ALDH3A2: variants seen among roughly 807,000 people sequenced by gnomAD.
ALDH3A2 encodes the protein aldehyde dehydrogenase family 3 member A2.
ALDH3A2 carries 36 observed loss-of-function variants against 51.3 expected under a neutral mutation model. That is an observed-to-expected ratio of 0.70 (90% confidence interval 0.54 to 0.93). The LOEUF is 0.93. Among genes scored for constraint, ALDH3A2 ranks in the 40% least tolerant of loss-of-function variants. The pLI is 0.00. For missense variants in ALDH3A2, 552 were observed against 603.1 expected (o/e 0.92, Z 0.89); for synonymous variants, 199 against 219.8 (o/e 0.91, Z 0.84).
At chr17:19,658,984 C>T (rs1286277846) in intron 5 of ALDH3A2, among the ~76,000 whole-genome samples, 2 of 152,178 alleles carry the variant, frequency 1.3e-5, no homozygotes, top group African/African-American at 4.8e-5. Context: ...GTAATCCCAG[C>T]ACTTTGGGAG....
Position 19,656,501 on chromosome 17 carries a change from C to T in ALDH3A2, c.607C>T (p.Pro203Ser). ...GGAAGCTGCTGCCAAGCATCTGACC[C>T]CTGTGACTCTTGAACTGGGAGGGAA... ...VMEAAAKHLT[P>S]VTLELGGKSP... Residue 203 changes from proline (P) to serine (S), a missense_variant, in exon 4 of 10, where the codon CCT (proline) becomes TCT (serine). Pro to Ser is a moderately conservative substitution (Grantham distance 74). Coordinates refer to ENST00000176643, the MANE Select transcript of ALDH3A2 (RefSeq NM_000382.3). The T allele has an allele frequency of 1.2e-6, 2 of 1,614,126 alleles. No individual in the cohort carries two copies. Among genetic ancestry groups the T allele is most frequent in the Non-Finnish European group, 8.5e-7 (1 of 1,180,028 alleles).
chr17:19,674,764 T>C (rs2085165191), intron 9 of ALDH3A2: 1 of 152,238 alleles, frequency 6.6e-6, no homozygotes, highest in African/African-American at 2.4e-5. Flanking sequence ...TAATCCTCTT[T>C]TTATCAAATT....
In ALDH3A2 at chr17:19,648,881, G is replaced by C. The variant is rs2084772407; in HGVS notation, c.-91G>C. On this transcript the variant is annotated 5_prime_UTR_variant, in exon 1 of 10. Transcript: ENST00000176643. ...TGGAGACACCCCCCGGAGGGAGGCG[G>C]AGGGAAGGGAGGCGAGGCCTGCACC... The C allele has an allele frequency of 6.7e-7, 1 of 1,491,500 alleles. No homozygotes were observed. The highest frequency in any genetic ancestry group is 1.4e-5 in the African/African-American group (1 of 72,170). The allele number at this position is 1,491,500 out of a possible 1,614,324, so 92.4% of individuals were successfully genotyped here. A position where few individuals can be genotyped will look rare whatever the true frequency, so the allele number is the denominator to read the frequency against.
At position 19,661,161 on chromosome 17, in the gene ALDH3A2, A is replaced by G; in HGVS notation, c.833A>G (p.Asp278Gly). 1 of 1,612,670 alleles carries G rather than the reference A, an allele frequency of 6.2e-7. No individual in the cohort carries two copies. The highest frequency in any genetic ancestry group is 8.5e-7 in the Non-Finnish European group (1 of 1,178,694). The change falls in exon 6 of 10, where the codon GAT becomes GGT. Residue 278 changes from aspartate to glycine, a missense_variant. By Grantham distance (94) the Asp-to-Gly change is moderately conservative. Coordinates refer to ENST00000176643, the MANE Select transcript of ALDH3A2 (RefSeq NM_000382.3). ...FYGENIKESP[D>G]YERIINLRHF... ...GGAGAAAATATAAAAGAGTCTCCTG[A>G]TTATGAAAGGATCATCAATCTTCGT...
At position 19,676,155 on chromosome 17, in the gene ALDH3A2, C is replaced by T. The variant is rs2085185176; in HGVS notation, c.*583C>T. On this transcript the variant is annotated 3_prime_UTR_variant, in exon 10 of 10. Transcript: ENST00000176643. ...CCCCTGGTCAGAAGTGCCATCTCAC[C>T]AGTGGTCTTCATTCTTCCTCATTCA... 6.4e-6 allele frequency: 1 copy of T among 156,340 alleles called. No homozygotes were observed. Among genetic ancestry groups the T allele is most frequent in the Admixed American group, 6.2e-5 (1 of 16,230 alleles). The allele number at this position is 156,340 out of a possible 1,614,324, so 9.7% of individuals were successfully genotyped here.
chr17:19,659,365 C>G (rs997923979), intron 5 of ALDH3A2, among the ~76,000 whole-genome samples: 1 of 151,686 alleles, frequency 6.6e-6, no homozygotes, highest in Non-Finnish European at 1.5e-5. Context: ...TAATGAGACC[C>G]TGTGTCTACA....
At position 19,656,460 on chromosome 17, in the gene ALDH3A2, T is replaced by C. The variant is rs772457181; in HGVS notation, c.566T>C (p.Val189Ala). 7.4e-5 allele frequency: 120 copies of C among 1,614,070 alleles called. No homozygotes were observed. Among genetic ancestry groups the C allele is most frequent in the Non-Finnish European group, 9.3e-5 (110 of 1,180,046 alleles). ...DHIFYTGNTA[V>A]GKIVMEAAAK... ...ATTTTCTATACGGGAAACACTGCGGTTGGCAAAATTGTCATGGAAGCTGCT... is the reference window on the plus strand; with the variant it reads ...ATTTTCTATACGGGAAACACTGCGGCTGGCAAAATTGTCATGGAAGCTGCT... Residue 189 changes from valine to alanine, a missense_variant, in exon 4 of 10, where the codon GTT (valine) becomes GCT (alanine). Transcript: ENST00000176643.
intron 9 of ALDH3A2, 151 bp from the exon 10 acceptor site, chr17:19,675,407 A>G (rs780205359): frequency 4.5e-5 from 36 of 795,462 alleles, no homozygotes; most frequent in Non-Finnish European, 7.2e-5. Flanking sequence ...TAGGCTTCCT[A>G]GGGATATGTA....
chr17:19,665,371 CTCT>C (rs1279443250), intron 8 of ALDH3A2, among the ~76,000 whole-genome samples: 2 of 135,086 alleles, frequency 1.5e-5, no homozygotes, highest in Non-Finnish European at 3.1e-5. Context: ...AAGAAGATCT[CTCT>C]TCGTGTGTGT....
chr17:19,651,831 T>C, intron 2 of ALDH3A2, 53 bp downstream of exon 2: 2 of 1,506,636 alleles, frequency 1.3e-6, no homozygotes. Flanking sequence ...TATTTTCTCA[T>C]ATTAATTGGA....
rs2084772218 is a variant in ALDH3A2 at position 19,648,874 on chromosome 17, G to A, written c.-98G>A. 2.1e-6 allele frequency: 3 copies of A among 1,451,712 alleles called. No homozygotes were observed. Among genetic ancestry groups the A allele is most frequent in the Non-Finnish European group, 2.8e-6 (3 of 1,072,684 alleles). The allele number at this position is 1,451,712 out of a possible 1,614,324, so 89.9% of individuals were successfully genotyped here. ...TTGACGGTGGAGACACCCCCCGGAG[G>A]GAGGCGGAGGGAAGGGAGGCGAGGC... is the stretch of plus-strand genomic sequence containing the variant. On this transcript the variant is annotated 5_prime_UTR_variant, in exon 1 of 10. Transcript: ENST00000176643.
At chr17:19,661,365 A>T (rs1207716827) in intron 6 of ALDH3A2, 97 bp downstream of exon 6, 2 of 1,402,384 alleles carry the variant, frequency 1.4e-6, no homozygotes, top group Admixed American at 3.4e-5. Flanking sequence ...AATATATAGC[A>T]TTTAATTGTT....
At position 19,648,917 on chromosome 17, in the gene ALDH3A2, C is replaced by A. The variant is rs1182227607; in HGVS notation, c.-55C>A. On this transcript the variant is annotated 5_prime_UTR_variant, in exon 1 of 10. Transcript: ENST00000176643. The stretch of plus-strand genomic sequence containing the variant: ...GGCGAGGCCTGCACCTGCATGCTTC[C>A]CGCCTCCCACTCCCCAGCGCCCCCG... 11 of 1,538,602 alleles carry A rather than the reference C, an allele frequency of 7.1e-6. No homozygotes were observed. Among genetic ancestry groups the A allele is most frequent in the Non-Finnish European group, 9.6e-6 (11 of 1,141,196 alleles).
At position 19,654,092 on chromosome 17, in the gene ALDH3A2, T is replaced by A. The variant is rs933782351; in HGVS notation, c.471+1460T>A. 1.3e-5 allele frequency among the ~76,000 whole-genome samples: 2 copies of A among 152,188 alleles called. No individual in the cohort carries two copies. Among genetic ancestry groups the A allele is most frequent in the Non-Finnish European group, 2.9e-5 (2 of 68,038 alleles). ...ATCCTCTAGCTAGACATAAAAGTTC[T>A]CCAAATCCCCACCAGATTAGCTAGA... On this transcript the variant is annotated intron_variant, in intron 3 of 9. Coordinates refer to ENST00000176643, the MANE Select transcript of ALDH3A2 (RefSeq NM_000382.3). This position sits in a 1 kb window ranked among gnomAD's most constrained non-coding sequence, Gnocchi z 4.5.
chr17:19,663,428 G>A lies in ALDH3A2; in HGVS notation c.1036G>A (p.Asp346Asn). The A allele has an allele frequency of 6.2e-7, 1 of 1,614,128 alleles. No individual in the cohort carries two copies. The highest frequency in any genetic ancestry group is 8.5e-7 in the Non-Finnish European group (1 of 1,180,030). Residue 346 changes from aspartate (D) to asparagine (N), a missense_variant, in exon 7 of 10, where the codon GAT becomes AAT. Transcript: ENST00000176643. ...ILPIVPVKNV[D>N]EAINFINERE... ...TCCAATAGTGCCTGTGAAAAATGTA[G>A]ATGAGGCCATAAATTTCATAAATGA...
Position 19,649,105 on chromosome 17 carries a change from T to TCGC in ALDH3A2, c.140_142dup (p.Ala47dup). ...CGCGAGAAGGATATCCTGACGGCCATCGCCGCCGACCTGTGCAAGGTACGC... is the reference window on the plus strand; with the variant it reads ...CGCGAGAAGGATATCCTGACGGCCATCGCCGCCGCCGACCTGTGCAAGGTACGC... On this transcript the variant is annotated inframe_insertion, in exon 1 of 10. Transcript: ENST00000176643. The TCGC allele has an allele frequency of 6.3e-7, 1 of 1,575,988 alleles. No individual in the cohort carries two copies. The highest frequency in any genetic ancestry group is 8.6e-7 in the Non-Finnish European group (1 of 1,161,210).
chr17:19,665,177 T>C (rs1597566529), intron 8 of ALDH3A2, 130 bp downstream of exon 8: 1 of 739,438 alleles, frequency 1.4e-6, no homozygotes, highest in Non-Finnish European at 2.3e-6. Context: ...GGAGACCTTT[T>C]CCTGGTCACC....
chr17:19,654,674 C>T lies in ALDH3A2; in HGVS notation c.472-1692C>T, dbSNP rs1189036562. The stretch of plus-strand genomic sequence containing the variant: ...TCTGGCTTGTGAGCGCCACGCGCAG[C>T]CCCGGTTCCTGCCTGCGCCTCTCCC... On this transcript the variant is annotated intron_variant, in intron 3 of 9. Transcript: ENST00000176643. The surrounding 1 kb of genome is among the most constrained non-coding windows in gnomAD (Gnocchi z 4.5). Among the ~76,000 whole-genome samples the T allele has an allele frequency of 6.6e-6, 1 of 152,006 alleles. No homozygotes were observed. Among genetic ancestry groups the T allele is most frequent in the Non-Finnish European group, 1.5e-5 (1 of 67,986 alleles).
chr17:19,657,710 GAATTATA>G lies in ALDH3A2; in HGVS notation c.681-34_681-28del. 6.0e-6 allele frequency: 7 copies of G among 1,169,384 alleles called. No homozygotes were observed. The East Asian group carries it at 1.6e-4, about 27-fold the overall frequency. 72.4% of individuals were successfully genotyped at this position (1,169,384 alleles called of 1,614,324 possible). ...CAAATGAATATTTGACTGAATTACT[GAATTATA>G]TAGCTGTTCTGGATGTTTTCCCCTC... On this transcript the variant is annotated intron_variant, in intron 4 of 9. Transcript: ENST00000176643.
Sources: allele counts gnomAD v4.1 joint callset (sites outside exome capture counted in the v4.1 genomes callset), GRCh38; gene constraint gnomAD v4.1.1; non-coding constraint Gnocchi (gnomAD v3.1); transcripts MANE v1.5; gene names NCBI Gene and HGNC (gene_info 2026-07-23, HGNC 2026-07-21).